FHIT: variants seen among roughly 807,000 people sequenced by gnomAD.
FHIT encodes bis(5'-adenosyl)-triphosphatase.
In FHIT, 19 loss-of-function variants were observed where a neutral mutation model predicts 17.9. The ratio of observed to expected loss-of-function variants is 1.06; its 90% CI spans 0.74 to 1.56. The LOEUF is 1.56. Ranked by LOEUF, FHIT falls within the 40% of genes most tolerant of loss-of-function variation. The pLI, the probability that FHIT is intolerant of heterozygous loss-of-function variation, is 0.00. For synonymous variants in FHIT, 81 were observed against 69.7 expected (o/e 1.16, Z -0.81); for missense variants, 248 against 189.2 (o/e 1.31, Z -1.82).
chr3:61,217,251 C>G (rs2039708717), intron 1 of FHIT, among the ~76,000 whole-genome samples: 1 of 152,202 alleles, frequency 6.6e-6, no homozygotes, highest in Non-Finnish European at 1.5e-5. Flanking sequence ...TTTCTGTATG[C>G]TACAAAGCCT....
At chr3:60,718,564 C>G (rs1735469) in intron 4 of FHIT, among the ~76,000 whole-genome samples, 140,956 of 152,266 alleles carry the variant, frequency 0.93, 65,731 homozygotes, top group East Asian at 1. Context: ...TTATAATGTT[C>G]TTCTAGATGC....
chr3:60,815,748 T>C (rs1400314425), intron 4 of FHIT, among the ~76,000 whole-genome samples: 2 of 152,082 alleles, frequency 1.3e-5, no homozygotes, highest in Admixed American at 6.6e-5. Flanking sequence ...TTTATAATAG[T>C]TTTTTCCAGT....
At chr3:60,271,426 A>G (rs572580506) in intron 5 of FHIT, among the ~76,000 whole-genome samples, 2 of 151,998 alleles carry the variant, frequency 1.3e-5, no homozygotes, top group East Asian at 3.9e-4. Context: ...AAATAAAATA[A>G]ACGCCCATTA....
intron 4 of FHIT, among the ~76,000 whole-genome samples, chr3:60,584,169 A>T (rs2037833576): frequency 6.6e-6 from 1 of 152,038 alleles, no homozygotes; most frequent in African/African-American, 2.4e-5. Flanking sequence ...AGAAGAACTC[A>T]TTATATTTTT....
At chr3:60,165,969 C>T (rs571371259) in intron 5 of FHIT, among the ~76,000 whole-genome samples, 1 of 151,832 alleles carries the variant, frequency 6.6e-6, no homozygotes, top group Non-Finnish European at 1.5e-5. Flanking sequence ...TACAAAAATG[C>T]CTCCTTTGCT....
intron 5 of FHIT, among the ~76,000 whole-genome samples, chr3:60,448,690 G>A (rs908642833): frequency 1.9e-4 from 29 of 152,092 alleles, no homozygotes; most frequent in African/African-American, 7.0e-4. Context: ...CATTTTCCCT[G>A]CACTTTAAGA....
chr3:59,916,656 C>G (rs1307762990), intron 8 of FHIT, among the ~76,000 whole-genome samples: 9 of 152,106 alleles, frequency 5.9e-5, no homozygotes, highest in Non-Finnish European at 2.9e-5. Context: ...AATAATCTGA[C>G]ATAGGATAGG....
At chr3:60,821,658 G>C (rs1701934638) in intron 4 of FHIT, among the ~76,000 whole-genome samples, 1 of 152,096 alleles carries the variant, frequency 6.6e-6, no homozygotes. Context: ...GGAAAAGAAG[G>C]GGAATGCTTT....
At chr3:59,760,020 G>T (rs1018694154) in intron 8 of FHIT, among the ~76,000 whole-genome samples, 1 of 152,142 alleles carries the variant, frequency 6.6e-6, no homozygotes, top group Admixed American at 6.5e-5. Flanking sequence ...ATTACCTTCA[G>T]GTCCTTCTAC....
intron 8 of FHIT, among the ~76,000 whole-genome samples, chr3:59,917,612 G>C (rs1705195109): frequency 6.6e-6 from 1 of 152,190 alleles, no homozygotes; most frequent in African/African-American, 2.4e-5. Flanking sequence ...GATGTAGAAA[G>C]AGTTTGGGAG....
intron 5 of FHIT, among the ~76,000 whole-genome samples, chr3:60,118,974 T>A (rs918796691): frequency 1.3e-5 from 2 of 150,950 alleles, no homozygotes; most frequent in Non-Finnish European, 3.0e-5. Flanking sequence ...TGAGCTGAGA[T>A]GCTGCCACTG....
chr3:60,961,710 G>C (rs145926686), intron 3 of FHIT, among the ~76,000 whole-genome samples: 14,373 of 152,194 alleles, frequency 0.094, 953 homozygotes, highest in East Asian at 0.24. Context: ...TCTTGTGTTT[G>C]TCAGGTTTGT....
At chr3:61,103,479 T>C (rs1297264005) in intron 2 of FHIT, among the ~76,000 whole-genome samples, 1 of 152,226 alleles carries the variant, frequency 6.6e-6, no homozygotes, top group Non-Finnish European at 1.5e-5. Context: ...TCCAACTTTG[T>C]GGTCAATTTT....
At position 59,931,963 on chromosome 3, in the gene FHIT, A is replaced by G. The variant is rs561671550; in HGVS notation, c.280-9549T>C. Among the ~76,000 whole-genome samples the G allele has an allele frequency of 2.2e-5, 3 of 138,438 alleles. No individual in the cohort carries two copies. In the East Asian group the frequency reaches 6.6e-4, roughly 31 times the overall value. 90.8% of individuals were successfully genotyped at this position (138,438 alleles called of 152,430 possible). A position where few individuals can be genotyped will look rare whatever the true frequency, so the allele number is the denominator to read the frequency against. Reference sequence around the variant, plus strand: ...AAATTTCAAATTTTCAAAAATTAAGATCTTTTCAAGTAAAAAAAAAGCAAG... The same window carrying G: ...AAATTTCAAATTTTCAAAAATTAAGGTCTTTTCAAGTAAAAAAAAAGCAAG... On this transcript the variant is annotated intron_variant, in intron 7 of 9. Coordinates refer to ENST00000492590, the MANE Select transcript of FHIT (RefSeq NM_002012.4).
chr3:59,750,271 C>T (rs1205201629), intron 9 of FHIT: 1 of 225,362 alleles, frequency 4.4e-6, no homozygotes, highest in Admixed American at 5.7e-5. Flanking sequence ...ATTCAGCAAG[C>T]CTTGGGAAAA....
intron 5 of FHIT, among the ~76,000 whole-genome samples, chr3:60,308,287 C>T (rs1215319822): frequency 1.3e-5 from 2 of 152,024 alleles, no homozygotes; most frequent in Non-Finnish European, 2.9e-5. Flanking sequence ...TCATCTCAAA[C>T]TTGGAAAGAG....
At chr3:61,132,230 T>G (rs2106959165) in intron 2 of FHIT, among the ~76,000 whole-genome samples, 2 of 152,354 alleles carry the variant, frequency 1.3e-5, no homozygotes, top group South Asian at 2.1e-4. Context: ...TGAATTAGTC[T>G]GCATGGGCCA....
intron 5 of FHIT, among the ~76,000 whole-genome samples, chr3:60,017,213 C>G (rs1226596671): frequency 1.3e-5 from 2 of 152,146 alleles, no homozygotes; most frequent in African/African-American, 4.8e-5. Flanking sequence ...GGCTATGATG[C>G]AAACATGCTG....
At chr3:61,234,077 C>A (rs559531482) in intron 1 of FHIT, among the ~76,000 whole-genome samples, 1 of 152,270 alleles carries the variant, frequency 6.6e-6, no homozygotes, top group African/African-American at 2.4e-5. Context: ...CTTTGATCAA[C>A]CAGCAGAAAC....
Sources: gnomAD v4.1 joint callset for allele counts (sites outside exome capture counted in the v4.1 genomes callset) on GRCh38, gnomAD v4.1.1 for gene constraint, MANE v1.5 for transcripts, NCBI Gene and HGNC (gene_info 2026-07-23, HGNC 2026-07-21) for gene names.